Variants in TAF1B observed in about 807,000 individuals in gnomAD.
TAF1B encodes TATA-box binding protein associated factor, RNA polymerase I subunit B.
TAF1B carries 61 observed loss-of-function variants against 83.9 expected under a neutral mutation model. The ratio of observed to expected loss-of-function variants is 0.73; its 90% CI spans 0.59 to 0.90. The LOEUF is 0.90. Ranked by LOEUF, TAF1B falls within the 40% of genes least tolerant of loss-of-function variation. TAF1B has a pLI of 0.00. For synonymous variants in TAF1B, 221 were observed against 224.6 expected (o/e 0.98, Z 0.14); for missense variants, 625 against 677.0 (o/e 0.92, Z 0.85).
At chr2:9,915,986 A>G (rs979521512) in intron 12 of TAF1B, among the ~76,000 whole-genome samples, 3 of 152,268 alleles carry the variant, frequency 2.0e-5, no homozygotes, top group African/African-American at 4.8e-5. Flanking sequence ...TACTTATGCT[A>G]TGATTCCATT....
intron 6 of TAF1B, among the ~76,000 whole-genome samples, chr2:9,873,530 A>G (rs936852296): frequency 1.3e-5 from 2 of 152,022 alleles, no homozygotes; most frequent in African/African-American, 4.8e-5. Flanking sequence ...TCTTATATTC[A>G]GCTGCTGACT....
chr2:9,865,035 A>T (rs1663924150), intron 5 of TAF1B, among the ~76,000 whole-genome samples: 1 of 152,230 alleles, frequency 6.6e-6, no homozygotes, highest in Non-Finnish European at 1.5e-5. Flanking sequence ...GGCACAAGAC[A>T]GGGATGCCCT....
chr2:9,893,778 A>G (rs554854052), intron 8 of TAF1B, among the ~76,000 whole-genome samples: 2 of 145,416 alleles, frequency 1.4e-5, no homozygotes, highest in African/African-American at 2.6e-5. Context: ...CAAGTTAACA[A>G]TGAGCAAAAT....
At chr2:9,902,227 CTTT>C (rs35648389) in intron 8 of TAF1B, among the ~76,000 whole-genome samples, 4 of 144,238 alleles carry the variant, frequency 2.8e-5, no homozygotes, top group Non-Finnish European at 3.0e-5. Flanking sequence ...ATATATGAAG[CTTT>C]TTTTTTTTTT....
intron 12 of TAF1B, among the ~76,000 whole-genome samples, chr2:9,916,727 G>A (rs991070237): frequency 2.0e-5 from 3 of 151,716 alleles, no homozygotes; most frequent in Non-Finnish European, 4.4e-5. Context: ...TTTAAATGTG[G>A]TATGGTTCAC....
intron 5 of TAF1B, among the ~76,000 whole-genome samples, chr2:9,865,305 CAGAG>C (rs1452135403): frequency 6.6e-6 from 1 of 152,126 alleles, no homozygotes; most frequent in African/African-American, 2.4e-5. Flanking sequence ...AACAGACAAA[CAGAG>C]AGCCAAATCA....
chr2:9,916,126 T>C (rs1446875288), intron 12 of TAF1B, among the ~76,000 whole-genome samples: 1 of 152,226 alleles, frequency 6.6e-6, no homozygotes, highest in Admixed American at 6.5e-5. Flanking sequence ...TACGTAGTAA[T>C]TGTGGTGAGT....
intron 14 of TAF1B, among the ~76,000 whole-genome samples, chr2:9,927,978 A>G (rs1666095501): frequency 6.6e-6 from 1 of 152,106 alleles, no homozygotes; most frequent in Admixed American, 6.6e-5. Flanking sequence ...GTTTTCTTCT[A>G]GGGTTTTTAT....
intron 5 of TAF1B, among the ~76,000 whole-genome samples, chr2:9,862,747 C>T (rs566504745): frequency 2.0e-5 from 3 of 152,162 alleles, no homozygotes; most frequent in East Asian, 1.9e-4. Flanking sequence ...GCTGATCTCT[C>T]GGCAGAAACT....
rs947463306 is a variant in TAF1B at position 9,882,914 on chromosome 2, A to G, written c.807+109A>G. On this transcript the variant is annotated intron_variant, in intron 8 of 14. Transcript: ENST00000263663. The stretch of plus-strand genomic sequence containing the variant: ...ATTTGGTGTTTTGTGTTTTATCCCA[A>G]TATGGAACATCAGTCATAATTTAAC... The G allele has an allele frequency of 7.2e-6, 5 of 694,866 alleles. No homozygotes were observed. In the Admixed American group the frequency reaches 1.5e-4, roughly 20 times the overall value. 43.0% of individuals were successfully genotyped at this position (694,866 alleles called of 1,614,324 possible).
At chr2:9,863,952 G>A (rs1250121918) in intron 5 of TAF1B, among the ~76,000 whole-genome samples, 2 of 152,148 alleles carry the variant, frequency 1.3e-5, no homozygotes, top group African/African-American at 4.8e-5. Flanking sequence ...GAAGCAGTGT[G>A]TAGAGGGAAA....
chr2:9,896,620 C>CAAAAAAAA (rs71391108), intron 8 of TAF1B, among the ~76,000 whole-genome samples: 31 of 66,444 alleles, frequency 4.7e-4, no homozygotes, highest in Non-Finnish European at 6.0e-4. Flanking sequence ...ATCTAAAAAC[C>CAAAAAAAA]AAAAAAAAAA....
At chr2:9,882,641 A>T in intron 7 of TAF1B, 65 bp from the exon 8 acceptor site, 2 of 1,035,172 alleles carry the variant, frequency 1.9e-6, no homozygotes, top group South Asian at 2.2e-5. Flanking sequence ...GATTTTTCTT[A>T]AAGCATTTAC....
intron 8 of TAF1B, among the ~76,000 whole-genome samples, chr2:9,890,119 C>T (rs1338510317): frequency 1.3e-5 from 2 of 152,194 alleles, no homozygotes; most frequent in Non-Finnish European, 2.9e-5. Context: ...GTCTCCTCTG[C>T]TCATCAAGAC....
intron 8 of TAF1B, among the ~76,000 whole-genome samples, chr2:9,884,115 C>T (rs1275816043): frequency 2.0e-5 from 3 of 152,226 alleles, no homozygotes; most frequent in African/African-American, 4.8e-5. Flanking sequence ...CCTGCTGCAG[C>T]GGGGCAGGCA....
intron 7 of TAF1B, among the ~76,000 whole-genome samples, chr2:9,877,748 G>A (rs1027878263): frequency 6.6e-6 from 1 of 152,078 alleles, no homozygotes; most frequent in Non-Finnish European, 1.5e-5. Flanking sequence ...GGAGAAAGTC[G>A]TATTTACCTG....
chr2:9,885,557 G>A (rs1664648825), intron 8 of TAF1B, among the ~76,000 whole-genome samples: 1 of 152,212 alleles, frequency 6.6e-6, no homozygotes, highest in Non-Finnish European at 1.5e-5. Context: ...AATAGATTTG[G>A]AGAGCAGAAA....
chr2:9,862,413 G>A (rs545900782), intron 5 of TAF1B, among the ~76,000 whole-genome samples: 7 of 152,210 alleles, frequency 4.6e-5, no homozygotes, highest in South Asian at 2.1e-4. Flanking sequence ...TAAAAGAAAC[G>A]AACAAAGCCT....
chr2:9,910,460 T>C (rs1408052822), intron 9 of TAF1B, among the ~76,000 whole-genome samples: 3 of 152,160 alleles, frequency 2.0e-5, no homozygotes, highest in Non-Finnish European at 4.4e-5. Context: ...ACAAGAGATG[T>C]GGATGAAACA....
Sources: allele counts gnomAD v4.1 joint callset (sites outside exome capture counted in the v4.1 genomes callset), GRCh38; gene constraint gnomAD v4.1.1; transcripts MANE v1.5; gene names NCBI Gene and HGNC (gene_info 2026-07-23, HGNC 2026-07-21).